The following NCALD variants were observed in gnomAD, a reference collection of about 807,000 sequenced individuals.
The protein encoded by NCALD is neurocalcin delta.
NCALD carries 10 observed loss-of-function variants against 18.6 expected under a neutral mutation model. The observed-to-expected ratio is 0.54, with a 90% CI of 0.33 to 0.91. NCALD has a LOEUF of 0.91. Among genes scored for constraint, NCALD ranks in the 40% least tolerant of loss-of-function variants. NCALD has a pLI of 0.03. For missense variants in NCALD, 184 were observed against 247.6 expected (o/e 0.74, Z 1.72); for synonymous variants, 88 against 87.4 (o/e 1.01, Z -0.04).
intron 2 of NCALD, among the ~76,000 whole-genome samples, chr8:101,943,032 T>G (rs897486825): frequency 6.6e-6 from 1 of 152,152 alleles, no homozygotes; most frequent in African/African-American, 2.4e-5. Context: ...AAGATGAGAA[T>G]TTTGCAAGAT....
intron 2 of NCALD, among the ~76,000 whole-genome samples, chr8:101,998,330 C>G (rs914203287): frequency 1.3e-5 from 2 of 152,100 alleles, no homozygotes; most frequent in Non-Finnish European, 2.9e-5. Context: ...TTGGGGGGCT[C>G]AATTGCAATG....
intron 2 of NCALD, among the ~76,000 whole-genome samples, chr8:101,969,274 A>G (rs1338230574): frequency 1.3e-5 from 2 of 152,214 alleles, no homozygotes; most frequent in African/African-American, 4.8e-5. Context: ...CCAGTCTCAC[A>G]TTAAAGGGAG....
chr8:101,995,307 CA>C (rs1416668953), intron 2 of NCALD, among the ~76,000 whole-genome samples: 1 of 152,174 alleles, frequency 6.6e-6, no homozygotes, highest in East Asian at 1.9e-4. Context: ...ACATGCAAAA[CA>C]AACTAAACCC....
At chr8:101,796,593 C>G (rs1053025131) in intron 4 of NCALD, among the ~76,000 whole-genome samples, 1 of 151,830 alleles carries the variant, frequency 6.6e-6, no homozygotes, top group African/African-American at 2.4e-5. Flanking sequence ...AAAAAGAAAA[C>G]TAATGAAAGA....
chr8:101,940,828 G>C (rs1395519094), intron 2 of NCALD, among the ~76,000 whole-genome samples: 1 of 152,176 alleles, frequency 6.6e-6, no homozygotes, highest in Non-Finnish European at 1.5e-5. Flanking sequence ...GCATCACACA[G>C]AACAGCTAAA....
intron 1 of NCALD, among the ~76,000 whole-genome samples, chr8:102,053,095 C>T (rs1823509621): frequency 6.6e-6 from 1 of 152,070 alleles, no homozygotes; most frequent in South Asian, 2.1e-4. Flanking sequence ...CTGTAGAATC[C>T]CACAAGGAGA....
At chr8:102,044,351 G>C (rs1290001468) in intron 1 of NCALD, among the ~76,000 whole-genome samples, 1 of 151,918 alleles carries the variant, frequency 6.6e-6, no homozygotes, top group Non-Finnish European at 1.5e-5. Context: ...AGGCACATTT[G>C]GGAAATTGCT....
intron 4 of NCALD, among the ~76,000 whole-genome samples, chr8:101,853,111 C>T (rs1451646989): frequency 6.6e-6 from 1 of 152,108 alleles, no homozygotes; most frequent in Non-Finnish European, 1.5e-5. Flanking sequence ...CTTCACTTTC[C>T]TCATCAGTAA....
chr8:101,857,425 T>C (rs1815364524), intron 4 of NCALD, among the ~76,000 whole-genome samples: 2 of 152,194 alleles, frequency 1.3e-5, no homozygotes, highest in African/African-American at 4.8e-5. Flanking sequence ...TTCTGACTTC[T>C]CTCTCCCACA....
At chr8:101,773,405 C>G (rs1811665310) in intron 1 of NCALD, among the ~76,000 whole-genome samples, 1 of 152,200 alleles carries the variant, frequency 6.6e-6, no homozygotes, top group Non-Finnish European at 1.5e-5. Flanking sequence ...TGTTCCCTCT[C>G]TGATAACAAA....
intron 4 of NCALD, among the ~76,000 whole-genome samples, chr8:101,814,622 G>A (rs768510535): frequency 2.0e-5 from 3 of 151,906 alleles, no homozygotes; most frequent in Non-Finnish European, 2.9e-5. Flanking sequence ...CTGGAATGAC[G>A]CAATAAGAAA....
intron 1 of NCALD, among the ~76,000 whole-genome samples, chr8:102,113,648 C>G (rs1423627547): frequency 6.6e-6 from 1 of 152,190 alleles, no homozygotes; most frequent in Non-Finnish European, 1.5e-5. Flanking sequence ...TTGCCTAGGA[C>G]AGTCCCCATT....
intron 1 of NCALD, among the ~76,000 whole-genome samples, chr8:102,064,035 G>A (rs1343847712): frequency 2.0e-5 from 3 of 152,174 alleles, no homozygotes; most frequent in Non-Finnish European, 4.4e-5. Context: ...TTTGGCTTAA[G>A]TAGCCAGAGT....
intron 4 of NCALD, among the ~76,000 whole-genome samples, chr8:101,823,659 T>G (rs1813812758): frequency 6.6e-6 from 1 of 152,108 alleles, no homozygotes; most frequent in Admixed American, 6.6e-5. Context: ...ACAGGTCTGA[T>G]GAGCTCTCAA....
At chr8:101,853,386 A>G (rs1406767173) in intron 4 of NCALD, among the ~76,000 whole-genome samples, 1 of 152,192 alleles carries the variant, frequency 6.6e-6, no homozygotes, top group Non-Finnish European at 1.5e-5. Context: ...ATCCCATAAA[A>G]ATAAATGAGA....
chr8:101,934,241 T>G (rs1818676616), intron 2 of NCALD, among the ~76,000 whole-genome samples: 1 of 152,152 alleles, frequency 6.6e-6, no homozygotes, highest in South Asian at 2.1e-4. Flanking sequence ...ACCAGTGTAC[T>G]CAAGGGGCAA....
intron 4 of NCALD, among the ~76,000 whole-genome samples, chr8:101,885,220 A>T (rs1010718842): frequency 6.6e-6 from 1 of 152,242 alleles, no homozygotes; most frequent in Admixed American, 6.5e-5. Flanking sequence ...AACAACAGGA[A>T]ATCAGTAATA....
intron 1 of NCALD, among the ~76,000 whole-genome samples, chr8:102,037,225 A>G (rs2132162296): frequency 6.6e-6 from 1 of 152,306 alleles, no homozygotes; most frequent in Admixed American, 6.5e-5. Context: ...ATTCTATTAG[A>G]TAAGTACTAT....
chr8:101,798,827 G>A (rs1812735300), intron 4 of NCALD, among the ~76,000 whole-genome samples: 1 of 152,230 alleles, frequency 6.6e-6, no homozygotes, highest in Admixed American at 6.5e-5. Flanking sequence ...CAATGGAACA[G>A]AATGGAGAAC....
Sources: gnomAD v4.1 joint callset for allele counts (sites outside exome capture counted in the v4.1 genomes callset) on GRCh38, gnomAD v4.1.1 for gene constraint, MANE v1.5 for transcripts, NCBI Gene and HGNC (gene_info 2026-07-23, HGNC 2026-07-21) for gene names.